The following ALCAM variants were observed in gnomAD, a reference collection of about 807,000 sequenced individuals.
ALCAM encodes the protein activated leukocyte cell adhesion molecule, also known as CD166 antigen.
Under a neutral mutation model 70.9 loss-of-function variants are expected in ALCAM, and 30 were observed. The observed-to-expected ratio is 0.42, with a 90% confidence interval of 0.32 to 0.57. The LOEUF (loss-of-function observed/expected upper bound fraction) is 0.57, where lower values mean the gene tolerates loss of function less well. ALCAM is among the 20% of genes least tolerant of loss of function. The probability of loss-of-function intolerance (pLI) is 0.11; values close to 1 mark genes in which losing one functional copy is unlikely to be tolerated. For missense variants in ALCAM, 591 were observed against 695.1 expected, an observed-to-expected ratio of 0.85 and a Z score of 1.68; for synonymous variants, 249 against 242.5, an observed-to-expected ratio of 1.03 and a Z score of -0.25.
chr3:105,441,054 G>A (rs939455548), intron 1 of ALCAM, among the ~76,000 whole-genome samples: 11 of 152,102 alleles, frequency 7.2e-5, no homozygotes, highest in Non-Finnish European at 1.3e-4. Flanking sequence ...AAGAATGCCT[G>A]AGCTAATGTA....
At chr3:105,432,246 G>T (rs1401046587) in intron 1 of ALCAM, among the ~76,000 whole-genome samples, 1 of 152,022 alleles carries the variant, frequency 6.6e-6, no homozygotes, top group African/African-American at 2.4e-5. Context: ...AAGAATTCAT[G>T]CATATCAAAT....
intron 14 of ALCAM, among the ~76,000 whole-genome samples, chr3:105,564,890 A>T (rs1940709707): frequency 6.6e-6 from 1 of 152,210 alleles, no homozygotes; most frequent in Non-Finnish European, 1.5e-5. Context: ...TACTAAAAAT[A>T]CAAAAATTAG....
intron 1 of ALCAM, among the ~76,000 whole-genome samples, chr3:105,433,602 C>T (rs1936985219): frequency 6.6e-6 from 1 of 151,124 alleles, no homozygotes; most frequent in Non-Finnish European, 1.5e-5. Flanking sequence ...TAAAGTCTGT[C>T]CCACTGCAAA....
chr3:105,451,549 C>A (rs1163629459), intron 1 of ALCAM, among the ~76,000 whole-genome samples: 2 of 151,624 alleles, frequency 1.3e-5, no homozygotes, highest in Non-Finnish European at 2.9e-5. Flanking sequence ...AAAATATTAA[C>A]AAAAAGAAAG....
Position 105,441,987 on chromosome 3 carries a change from A to T in ALCAM, c.73+74506A>T, listed in dbSNP as rs541343737. 1.4e-3 allele frequency among the ~76,000 whole-genome samples: 220 copies of T among 152,354 alleles called. 1 individual carries two copies. Among genetic ancestry groups the T allele is most frequent in the African/African-American group, 4.9e-3 (204 of 41,590 alleles). The stretch of plus-strand genomic sequence containing the variant: ...CAAATAGCATTTAGAATCTATTTTC[A>T]GATTTAAAAAATAGTCTAACATTAG... On this transcript the variant is annotated intron_variant, in intron 1 of 15. Coordinates refer to ENST00000306107, the MANE Select transcript of ALCAM (RefSeq NM_001627.4).
intron 1 of ALCAM, among the ~76,000 whole-genome samples, chr3:105,461,593 T>C (rs80015529): frequency 6.6e-6 from 1 of 151,906 alleles, no homozygotes; most frequent in East Asian, 1.9e-4. Context: ...AGTGGGGCTT[T>C]GCCTGAAACT....
chr3:105,530,262 G>A (rs889509845), intron 3 of ALCAM, among the ~76,000 whole-genome samples: 3 of 151,934 alleles, frequency 2.0e-5, no homozygotes, highest in Non-Finnish European at 2.9e-5. Context: ...TTTTTAAAAC[G>A]TGGATTCCAA....
At chr3:105,372,589 T>C (rs1576116427) in intron 1 of ALCAM, among the ~76,000 whole-genome samples, 1 of 152,222 alleles carries the variant, frequency 6.6e-6, no homozygotes, top group South Asian at 2.1e-4. Context: ...CAAAACATCT[T>C]CTAACCAAAG....
rs78384681 is a variant in ALCAM at position 105,506,667 on chromosome 3, G to A, written c.74-13400G>A. Among the ~76,000 whole-genome samples, 273 of 152,204 alleles carry A rather than the reference G, an allele frequency of 1.8e-3. 4 individuals carry two copies. The East Asian group carries it at 0.047, about 26-fold the overall frequency. ...TGTTAAAAATAGCAGAGCCAAAGAC[G>A]TAATATTATAATATTCAGTTAGGGG... On this transcript the variant is annotated intron_variant, in intron 1 of 15. Coordinates refer to ENST00000306107, the MANE Select transcript of ALCAM (RefSeq NM_001627.4).
intron 1 of ALCAM, among the ~76,000 whole-genome samples, chr3:105,516,214 A>AT (rs1322054396): frequency 6.6e-6 from 1 of 151,914 alleles, no homozygotes; most frequent in Non-Finnish European, 1.5e-5. Context: ...TCAAATGTCT[A>AT]TATGTCAGGA....
intron 15 of ALCAM, among the ~76,000 whole-genome samples, chr3:105,574,266 C>CA (rs996109824): frequency 6.6e-6 from 1 of 151,474 alleles, no homozygotes; most frequent in Non-Finnish European, 1.5e-5. Flanking sequence ...ATTAATTTTA[C>CA]AAAAAAAGAA....
At chr3:105,454,738 C>T (rs914901122) in intron 1 of ALCAM, among the ~76,000 whole-genome samples, 4 of 133,488 alleles carry the variant, frequency 3.0e-5, no homozygotes, top group Admixed American at 8.8e-5. Flanking sequence ...GCGCGATCTC[C>T]GATCACTGCA....
At chr3:105,533,561 C>T (rs777181155) in intron 4 of ALCAM, 42 bp from the exon 5 acceptor site, 27 of 1,564,060 alleles carry the variant, frequency 1.7e-5, no homozygotes, top group Middle Eastern at 1.7e-4. Flanking sequence ...TTGACAGCCC[C>T]TGATTGAACC....
chr3:105,456,847 T>C (rs1288328593), intron 1 of ALCAM, among the ~76,000 whole-genome samples: 1 of 152,170 alleles, frequency 6.6e-6, no homozygotes, highest in African/African-American at 2.4e-5. Context: ...AAAAACCCTC[T>C]AGTTAGGCAA....
intron 15 of ALCAM, among the ~76,000 whole-genome samples, chr3:105,573,446 T>A (rs1340055559): frequency 6.6e-6 from 1 of 152,222 alleles, no homozygotes; most frequent in Non-Finnish European, 1.5e-5. Context: ...CTTGTGCACG[T>A]GTGTATACAT....
chr3:105,527,291 G>C (rs185186692), intron 3 of ALCAM, among the ~76,000 whole-genome samples: 103 of 152,292 alleles, frequency 6.8e-4, no homozygotes, highest in Non-Finnish European at 1.3e-3. Context: ...TGGGTACCCA[G>C]AGAGCCAGAA....
At chr3:105,547,876 G>A (rs1303712583) in intron 11 of ALCAM, among the ~76,000 whole-genome samples, 3 of 151,424 alleles carry the variant, frequency 2.0e-5, no homozygotes, top group Non-Finnish European at 4.4e-5. Flanking sequence ...ACACTTTCCT[G>A]CAAAATAAGC....
chr3:105,387,199 G>A (rs967922619), intron 1 of ALCAM, among the ~76,000 whole-genome samples: 3 of 150,874 alleles, frequency 2.0e-5, no homozygotes, highest in Non-Finnish European at 3.0e-5. Flanking sequence ...AAGGGCAGGC[G>A]GAAATAGAAA....
intron 1 of ALCAM, among the ~76,000 whole-genome samples, chr3:105,463,050 A>G (rs1318521437): frequency 6.6e-6 from 1 of 151,532 alleles, no homozygotes; most frequent in East Asian, 1.9e-4. Context: ...AGTCTTTCAT[A>G]GCTGACGTAC....
Sources: allele counts gnomAD v4.1 joint callset (sites outside exome capture counted in the v4.1 genomes callset), GRCh38; gene constraint gnomAD v4.1.1; transcripts MANE v1.5; gene names NCBI Gene and HGNC (gene_info 2026-07-23, HGNC 2026-07-21).